The following GRSF1 variants were observed in gnomAD, a reference collection of about 807,000 sequenced individuals.
The protein encoded by GRSF1 is G-rich RNA sequence binding factor 1.
In GRSF1, 50 loss-of-function variants were observed where a neutral mutation model predicts 51.1. The observed-to-expected ratio is 0.98, with a 90% confidence interval of 0.78 to 1.24. The LOEUF (loss-of-function observed/expected upper bound fraction) is 1.24. GRSF1 is among the 50% of genes most tolerant of loss of function. GRSF1 has a pLI of 0.00. For missense variants in GRSF1, 700 were observed against 639.7 expected, an observed-to-expected ratio of 1.09 and a Z score of -1.02; for synonymous variants, 293 against 253.3, an observed-to-expected ratio of 1.16 and a Z score of -1.49.
At chr4:70,822,110 C>T (rs562432707) in intron 9 of GRSF1, among the ~76,000 whole-genome samples, 3 of 151,688 alleles carry the variant, frequency 2.0e-5, no homozygotes, top group South Asian at 2.1e-4. Flanking sequence ...TATATTTAAT[C>T]GAGGCAAGGA....
intron 9 of GRSF1, among the ~76,000 whole-genome samples, chr4:70,821,945 G>C (rs191194017): frequency 6.3e-4 from 96 of 152,060 alleles, no homozygotes; most frequent in African/African-American, 2.3e-3. Flanking sequence ...TGAAGTAATG[G>C]GATTACTGGA....
rs146359371 is a variant in GRSF1, at chr4:70,830,543, G to T, written c.950+996C>A. On this transcript the variant is annotated intron_variant, in intron 5 of 9. Coordinates refer to ENST00000254799, the MANE Select transcript of GRSF1 (RefSeq NM_002092.4). ...TATCTGGATTCTGTATTTTTGTCCGGTGTGCTGGCTCACACCTGTAATCCC... is the reference window on the plus strand; with the variant it reads ...TATCTGGATTCTGTATTTTTGTCCGTTGTGCTGGCTCACACCTGTAATCCC... 2.1e-3 allele frequency among the ~76,000 whole-genome samples: 315 copies of T among 152,068 alleles called. 1 individual carries two copies. Among genetic ancestry groups the T allele is most frequent in the African/African-American group, 7.4e-3 (305 of 41,494 alleles).
At position 70,831,626 on chromosome 4, in the gene GRSF1, C is replaced by A; in HGVS notation, c.863G>T (p.Arg288Leu). 1 of 1,613,476 alleles carries A rather than the reference C, an allele frequency of 6.2e-7. No homozygotes were observed. The highest frequency in any genetic ancestry group is 8.5e-7 in the Non-Finnish European group (1 of 1,179,496). ...ITFVMDYRGR[R>L]KTGEAYVQFE... Reference sequence around the variant, plus strand: ...TTGCACATAGGCTTCCCCTGTTTTTCGCCTCCCTCTATAGTCCATCACAAA... The same window carrying A: ...TTGCACATAGGCTTCCCCTGTTTTTAGCCTCCCTCTATAGTCCATCACAAA... Residue 288 changes from arginine to leucine, a missense_variant, in exon 5 of 10, where the codon CGA (arginine) becomes CTA (leucine). Transcript: ENST00000254799.
In GRSF1 at chr4:70,819,375, C is replaced by A. The variant is rs10938024; in HGVS notation, c.*1512G>T. ...ACGCATTTCCATCTAGGCAGTACTA[C>A]TGATGATGTTAAGCTGGTTAAGTCA... On this transcript the variant is annotated 3_prime_UTR_variant, in exon 10 of 10. Transcript: ENST00000254799. The A allele has an allele frequency of 0.9, 136,780 of 152,186 alleles. 62,857 individuals carry two copies. Among genetic ancestry groups the A allele is most frequent in the East Asian group, 1 (5,182 of 5,190 alleles). The allele number at this position is 152,186 out of a possible 1,614,324, so 9.4% of individuals were successfully genotyped here.
Position 70,826,126 on chromosome 4 carries a change from T to G in GRSF1, c.1255A>C (p.Asn419His). Residue 419 changes from asparagine to histidine, a missense_variant and splice_region_variant, in exon 7 of 10, where the codon AAC becomes CAC. By Grantham distance (68) the Asn-to-His change is moderately conservative (BLOSUM62 1). Transcript: ENST00000254799. ...TTGGATATCTTACTGCCACACACGTTTATAATGTCTTGGGCATTGGCTTGG... is the reference window on the plus strand; with the variant it reads ...TTGGATATCTTACTGCCACACACGTGTATAATGTCTTGGGCATTGGCTTGG... Reference protein sequence around the residue: ...PFQANAQDIINFFAPLKPVRI... With the variant: ...PFQANAQDIIHFFAPLKPVRI... The G allele has an allele frequency of 6.2e-7, 1 of 1,610,126 alleles. No homozygotes were observed. The highest frequency in any genetic ancestry group is 8.5e-7 in the Non-Finnish European group (1 of 1,177,902).
At position 70,831,631 on chromosome 4, in the gene GRSF1, C is replaced by T; in HGVS notation, c.858G>A (p.Gly286=). Residue 286 remains glycine, a synonymous_variant, in exon 5 of 10, where the codon GGG becomes GGA. Transcript: ENST00000254799. ...CATAGGCTTCCCCTGTTTTTCGCCTCCCTCTATAGTCCATCACAAAAGTAA... is the reference window on the plus strand; with the variant it reads ...CATAGGCTTCCCCTGTTTTTCGCCTTCCTCTATAGTCCATCACAAAAGTAA... ...VDITFVMDYR[G]RRKTGEAYVQ... is the part of the protein sequence containing the mutation. 1 of 1,613,562 alleles carries T rather than the reference C, an allele frequency of 6.2e-7. No individual in the cohort carries two copies. The highest frequency in any genetic ancestry group is 8.5e-7 in the Non-Finnish European group (1 of 1,179,586).
At chr4:70,827,116 C>T (rs1041896193) in intron 6 of GRSF1, among the ~76,000 whole-genome samples, 6 of 151,788 alleles carry the variant, frequency 4.0e-5, no homozygotes, top group Non-Finnish European at 7.4e-5. Flanking sequence ...GGGGAAACCC[C>T]GTCTCTACTA....
At chr4:70,841,025 G>A (rs2148850419), upstream of GRSF1, among the ~76,000 whole-genome samples, 1 of 152,304 alleles carries the variant, frequency 6.6e-6, no homozygotes, top group Admixed American at 6.5e-5. Flanking sequence ...GCCTGGCGTG[G>A]TGGCTCATGC....
rs1386184345 is a variant in GRSF1 at position 70,816,569 on chromosome 4, CA to C, written c.*4317del. 1 of 150,496 alleles carries C rather than the reference CA, an allele frequency of 6.6e-6. No individual in the cohort carries two copies. The highest frequency in any genetic ancestry group is 1.5e-5 in the Non-Finnish European group (1 of 67,568). The allele number at this position is 150,496 out of a possible 1,614,324, so 9.3% of individuals were successfully genotyped here. On this transcript the variant is annotated 3_prime_UTR_variant, in exon 10 of 10. Transcript: ENST00000254799. ...TGAAACCCCATCTCTACTAAAAATA[CA>C]AAAATTAGTCAGGCGTGGTGGTGCA...
At position 70,820,809 on chromosome 4, in the gene GRSF1, T is replaced by G. The variant is rs1317277111; in HGVS notation, c.*78A>C. 1.3e-5 allele frequency: 2 copies of G among 152,680 alleles called. No homozygotes were observed. The highest frequency in any genetic ancestry group is 2.9e-5 in the Non-Finnish European group (2 of 68,050). The allele number at this position is 152,680 out of a possible 1,614,324, so 9.5% of individuals were successfully genotyped here. On this transcript the variant is annotated 3_prime_UTR_variant, in exon 10 of 10. Transcript: ENST00000254799. The stretch of plus-strand genomic sequence containing the variant: ...GCAGTTGCTGCTAATAAACTGGAAC[T>G]GTATATCCCAAGTCCAAGAAAGATG...
At position 70,836,298 on chromosome 4, in the gene GRSF1, T is replaced by G; in HGVS notation, c.374A>C (p.Tyr125Ser). Residue 125 changes from tyrosine (Y) to serine (S), a missense_variant, in exon 2 of 10, where the codon TAC becomes TCC. Physicochemically the swap from Tyr to Ser is moderately radical, Grantham distance 144. Coordinates refer to ENST00000254799, the MANE Select transcript of GRSF1 (RefSeq NM_002092.4). ...AGGGGGTGGTGGAAGGTCTTCCAGG[T>G]AAGTAGTTTTGGACTCCTTCCAAAG... is the stretch of plus-strand genomic sequence containing the variant. ...RSYSQESKTT[Y>S]LEDLPPPPEY... 6.3e-7 allele frequency: 1 copy of G among 1,583,604 alleles called. No individual in the cohort carries two copies. The highest frequency in any genetic ancestry group is 8.5e-7 in the Non-Finnish European group (1 of 1,170,594).
Position 70,836,192 on chromosome 4 carries a change from T to C in GRSF1, c.480A>G (p.Ser160=), listed in dbSNP as rs546515191. The C allele has an allele frequency of 2.3e-5, 37 of 1,594,798 alleles. No individual in the cohort carries two copies. The South Asian group carries it at 4.0e-4, about 17-fold the overall frequency. ...FLIRAQGLPW[S]CTMEDVLNFF... ...AGTTAAGCACATCTTCCATAGTGCA[T>C]GACCAGGGCAGTCCTTGAGCTCGAA... The change falls in exon 2 of 10, where the codon TCA becomes TCG. Residue 160 remains serine (S), a synonymous_variant. Coordinates refer to ENST00000254799, the MANE Select transcript of GRSF1 (RefSeq NM_002092.4).
intron 5 of GRSF1, among the ~76,000 whole-genome samples, chr4:70,828,608 AC>A (rs1209189257): frequency 3.9e-5 from 6 of 152,038 alleles, no homozygotes; most frequent in African/African-American, 1.4e-4. Flanking sequence ...TCTTGCTGTC[AC>A]CCAAGATGGT....
chr4:70,841,132 CA>C (rs1181231765), upstream of GRSF1, among the ~76,000 whole-genome samples: 1 of 151,832 alleles, frequency 6.6e-6, no homozygotes, highest in Non-Finnish European at 1.5e-5. Context: ...CCCGTCTATA[CA>C]AAAAATAAAT....
Position 70,839,886 on chromosome 4 carries a change from G to T in GRSF1, c.-59C>A. On this transcript the variant is annotated 5_prime_UTR_variant, in exon 1 of 10. Coordinates refer to ENST00000254799, the MANE Select transcript of GRSF1 (RefSeq NM_002092.4). ...CTGCTCCAGCAGCGATGGTGGAACG[G>T]AAGTGGAATCCAGGGCCGGTTGGGG... 3 of 1,413,298 alleles carry T rather than the reference G, an allele frequency of 2.1e-6. No homozygotes were observed. Among genetic ancestry groups the T allele is most frequent in the Non-Finnish European group, 2.8e-6 (3 of 1,089,260 alleles). 87.5% of individuals were successfully genotyped at this position (1,413,298 alleles called of 1,614,324 possible). A position where few individuals can be genotyped will look rare whatever the true frequency, so the allele number is the denominator to read the frequency against.
intron 9 of GRSF1, among the ~76,000 whole-genome samples, chr4:70,822,243 GGAT>G (rs942140952): frequency 6.6e-6 from 1 of 152,110 alleles, no homozygotes; most frequent in Admixed American, 6.6e-5. Flanking sequence ...CTGTGTTTAT[GGAT>G]GATACACTCT....
chr4:70,831,635 C>A lies in GRSF1; in HGVS notation c.854G>T (p.Arg285Ile). The change falls in exon 5 of 10, where the codon AGA (arginine) becomes ATA (isoleucine). Residue 285 changes from arginine to isoleucine, a missense_variant. Arg to Ile is a moderately conservative substitution (Grantham distance 97). Transcript: ENST00000254799. The part of the protein sequence containing the change: ...IVDITFVMDY[R>I]GRRKTGEAYV... ...GGCTTCCCCTGTTTTTCGCCTCCCTCTATAGTCCATCACAAAAGTAATGTC... is the reference window on the plus strand; with the variant it reads ...GGCTTCCCCTGTTTTTCGCCTCCCTATATAGTCCATCACAAAAGTAATGTC... 6.2e-7 allele frequency: 1 copy of A among 1,613,642 alleles called. No homozygotes were observed. The highest frequency in any genetic ancestry group is 8.5e-7 in the Non-Finnish European group (1 of 1,179,662).
At chr4:70,840,413 G>C (rs1392742520), upstream of GRSF1, among the ~76,000 whole-genome samples, 3 of 152,200 alleles carry the variant, frequency 2.0e-5, no homozygotes, top group Non-Finnish European at 4.4e-5. Flanking sequence ...ACTGCCTGAG[G>C]TCAGGAGTTC....
intron 6 of GRSF1, among the ~76,000 whole-genome samples, chr4:70,826,868 C>T (rs950205176): frequency 6.6e-6 from 1 of 152,014 alleles, no homozygotes; most frequent in Admixed American, 6.6e-5. Flanking sequence ...AATATATATA[C>T]ACATATATAT....
Sources: gnomAD v4.1 joint callset for allele counts (sites outside exome capture counted in the v4.1 genomes callset) on GRCh38, gnomAD v4.1.1 for gene constraint, MANE v1.5 for transcripts, NCBI Gene and HGNC (gene_info 2026-07-23, HGNC 2026-07-21) for gene names.